The following ROBO2 variants were observed in gnomAD, a reference collection of about 807,000 sequenced individuals.
The protein encoded by ROBO2 is roundabout guidance receptor 2.
ROBO2 carries 53 observed loss-of-function variants against 160.8 expected under a neutral mutation model. That is an observed-to-expected ratio of 0.33 (90% CI 0.26 to 0.41). The LOEUF (loss-of-function observed/expected upper bound fraction) is 0.41, where lower values mean the gene tolerates loss of function less well. Ranked by LOEUF, ROBO2 falls within the 10% of genes least tolerant of loss-of-function variation. ROBO2 has a pLI of 1.00. For synonymous variants in ROBO2, 664 were observed against 611.7 expected, an observed-to-expected ratio of 1.09 and a Z score of -1.26; for missense variants, 1,577 against 1,722.4, an observed-to-expected ratio of 0.92 and a Z score of 1.49.
rs187855208 is a variant in ROBO2, at chr3:76,691,892, C to T, written c.110-406122C>T. Among the ~76,000 whole-genome samples, 40 of 152,154 alleles carry T rather than the reference C, an allele frequency of 2.6e-4. No individual in the cohort carries two copies. The East Asian group carries it at 5.8e-3, about 22-fold the overall frequency. ...ACCCGAGGTGTACAAATTCTAGTGA[C>T]GAACAATCACGAGTGGAGAAGATTT... On this transcript the variant is annotated intron_variant, in intron 2 of 26. Coordinates refer to the ROBO2 transcript ENST00000487694.
intron 2 of ROBO2, among the ~76,000 whole-genome samples, chr3:76,244,160 A>C (rs1159747992): frequency 6.6e-6 from 1 of 152,236 alleles, no homozygotes; most frequent in Non-Finnish European, 1.5e-5. Flanking sequence ...TGAAGTTTAG[A>C]GAGATTCAAT....
At chr3:77,616,438 T>C (rs767222101) in intron 21 of ROBO2, among the ~76,000 whole-genome samples, 6 of 151,944 alleles carry the variant, frequency 3.9e-5, no homozygotes, top group Non-Finnish European at 8.8e-5. Context: ...TGAATGAAGA[T>C]TTTAGAGATA....
chr3:77,373,267 C>A (rs1402284416), intron 2 of ROBO2, among the ~76,000 whole-genome samples: 1 of 149,198 alleles, frequency 6.7e-6, no homozygotes, highest in Non-Finnish European at 1.5e-5. Context: ...AGGGAAATAT[C>A]CAGAGATTAT....
At chr3:76,400,119 T>C (rs1187449661) in intron 2 of ROBO2, among the ~76,000 whole-genome samples, 1 of 151,688 alleles carries the variant, frequency 6.6e-6, no homozygotes, top group Non-Finnish European at 1.5e-5. Context: ...GTTTAGCTGG[T>C]ACCCATGGTA....
At chr3:77,425,350 G>T (rs1377883303) in intron 2 of ROBO2, among the ~76,000 whole-genome samples, 2 of 152,128 alleles carry the variant, frequency 1.3e-5, no homozygotes, top group African/African-American at 2.4e-5. Context: ...AAGCAGTTTG[G>T]TCTGTTAGAA....
intron 2 of ROBO2, among the ~76,000 whole-genome samples, chr3:76,718,621 TATAA>T (rs2093419051): frequency 6.6e-6 from 1 of 152,206 alleles, no homozygotes; most frequent in Admixed American, 6.5e-5. Flanking sequence ...CCTCTGTGAT[TATAA>T]ATAGTCACAG....
At chr3:77,562,411 C>A (rs764967472) in intron 9 of ROBO2, among the ~76,000 whole-genome samples, 7 of 152,082 alleles carry the variant, frequency 4.6e-5, no homozygotes, top group Non-Finnish European at 8.8e-5. Context: ...GTTTATCAGA[C>A]AAATTAACAT....
intron 2 of ROBO2, among the ~76,000 whole-genome samples, chr3:76,941,702 C>G (rs1340776385): frequency 6.6e-6 from 1 of 152,162 alleles, no homozygotes; most frequent in Non-Finnish European, 1.5e-5. Context: ...TTTCAAAACA[C>G]TTATCTCTTT....
chr3:76,378,840 G>A (rs1305526204), intron 2 of ROBO2, among the ~76,000 whole-genome samples: 4 of 152,274 alleles, frequency 2.6e-5, no homozygotes, highest in East Asian at 1.9e-4. Context: ...TGCTTGACAC[G>A]TTTAGGAACC....
At chr3:76,666,430 C>A (rs1052277114) in intron 2 of ROBO2, among the ~76,000 whole-genome samples, 9 of 152,034 alleles carry the variant, frequency 5.9e-5, no homozygotes, top group Non-Finnish European at 4.4e-5. Flanking sequence ...TAAACATTAT[C>A]AGCATGACAT....
chr3:77,120,228 G>A (rs945585905), intron 2 of ROBO2, among the ~76,000 whole-genome samples: 31 of 152,070 alleles, frequency 2.0e-4, no homozygotes, highest in Non-Finnish European at 1.2e-4. Context: ...ATGAACATTT[G>A]TCCTACGGGC....
intron 2 of ROBO2, among the ~76,000 whole-genome samples, chr3:76,131,809 T>A (rs1024311047): frequency 6.6e-6 from 1 of 152,176 alleles, no homozygotes; most frequent in Non-Finnish European, 1.5e-5. Flanking sequence ...TTATTCCCAA[T>A]GTGTGGATTA....
At chr3:76,944,196 A>G (rs929761914) in intron 2 of ROBO2, among the ~76,000 whole-genome samples, 6 of 152,176 alleles carry the variant, frequency 3.9e-5, no homozygotes, top group African/African-American at 1.4e-4. Flanking sequence ...ATTGAAAAAA[A>G]CAACACTTTT....
At chr3:77,054,934 G>GTGTGTA (rs764729648) in intron 1 of ROBO2, among the ~76,000 whole-genome samples, 98 of 101,308 alleles carry the variant, frequency 9.7e-4, no homozygotes, top group Admixed American at 1.8e-3. Flanking sequence ...GTGTATGTGT[G>GTGTGTA]TGTGTGTGTG....
intron 2 of ROBO2, among the ~76,000 whole-genome samples, chr3:77,011,058 T>TTTCTTTC (rs1248852566): frequency 3.4e-5 from 4 of 117,038 alleles, no homozygotes; most frequent in Non-Finnish European, 6.9e-5. Flanking sequence ...TTCTTTCTTC[T>TTTCTTTC]TTCTTTCTTT....
In ROBO2 at chr3:77,292,698, AGAT is replaced by A. The variant is rs2061457357; in HGVS notation, c.389-184715_389-184713del. ...ACGGTTAAACGGGTAAGCTGAGGCT[AGAT>A]CACCCCAGACATAAAGTAAAATTGA... On this transcript the variant is annotated intron_variant, in intron 2 of 25. Coordinates refer to ENST00000461745, the Ensembl canonical transcript of ROBO2. 2.1e-5 allele frequency among the ~76,000 whole-genome samples: 2 copies of A among 95,658 alleles called. 1 individual carries two copies. Among genetic ancestry groups the A allele is most frequent in the African/African-American group, 5.5e-5 (2 of 36,626 alleles). The allele number at this position is 95,658 out of a possible 152,430, so 62.8% of individuals were successfully genotyped here.
intron 1 of ROBO2, among the ~76,000 whole-genome samples, chr3:77,073,443 A>G (rs2149854459): frequency 6.6e-6 from 1 of 152,328 alleles, no homozygotes; most frequent in East Asian, 1.9e-4. Flanking sequence ...GCTTTTCTGT[A>G]CAAAAGAGGG....
At position 76,419,849 on chromosome 3, in the gene ROBO2, A is replaced by AT. The variant is rs2075915689; in HGVS notation, c.109+482248dup. ...ATAATAAGTGTTCATTTGATATTCAATGTGAAGCAACTAACTCTAATGGGT... is the reference window on the plus strand; with the variant it reads ...ATAATAAGTGTTCATTTGATATTCAATTGTGAAGCAACTAACTCTAATGGGT... On this transcript the variant is annotated intron_variant, in intron 2 of 26. Transcript: ENST00000487694. 2.6e-5 allele frequency among the ~76,000 whole-genome samples: 4 copies of AT among 152,306 alleles called. 1 individual carries two copies. In the South Asian group the frequency reaches 8.3e-4, roughly 32 times the overall value.
chr3:76,379,517 G>T (rs1470015396), intron 2 of ROBO2, among the ~76,000 whole-genome samples: 2 of 152,064 alleles, frequency 1.3e-5, no homozygotes, highest in Non-Finnish European at 2.9e-5. Context: ...TAGTGTCTCT[G>T]ACACATTCAC....
Sources: gnomAD v4.1 joint callset for allele counts (sites outside exome capture counted in the v4.1 genomes callset) on GRCh38, gnomAD v4.1.1 for gene constraint, MANE v1.5 for transcripts, NCBI Gene and HGNC (gene_info 2026-07-23, HGNC 2026-07-21) for gene names.